The following SUCLG2 variants were observed in gnomAD, a reference collection of about 807,000 sequenced individuals.
The protein encoded by SUCLG2 is succinate--CoA ligase [GDP-forming] subunit beta, mitochondrial.
Under a neutral mutation model 47.9 loss-of-function variants are expected in SUCLG2, and 42 were observed. The ratio of observed to expected loss-of-function variants is 0.88; its 90% confidence interval spans 0.69 to 1.14. The LOEUF is 1.14. Among genes scored for constraint, SUCLG2 ranks in the 50% most tolerant of loss-of-function variants. The probability of loss-of-function intolerance (pLI) is 0.00; values close to 1 mark genes in which losing one functional copy is unlikely to be tolerated. For synonymous variants in SUCLG2, 195 were observed against 197.3 expected (o/e 0.99, Z 0.10); for missense variants, 571 against 525.9 (o/e 1.09, Z -0.84).
chr3:67,470,154 T>C (rs1704569664), intron 9 of SUCLG2, among the ~76,000 whole-genome samples: 1 of 152,112 alleles, frequency 6.6e-6, no homozygotes, highest in South Asian at 2.1e-4. Context: ...TCTGATCTAA[T>C]TCAGGGAATA....
At chr3:67,421,195 A>G (rs1359212873) in intron 9 of SUCLG2, among the ~76,000 whole-genome samples, 3 of 152,084 alleles carry the variant, frequency 2.0e-5, no homozygotes, top group African/African-American at 7.2e-5. Flanking sequence ...ATCCAACCTG[A>G]TACCCCATCT....
chr3:67,487,776 G>A (rs938121536), intron 9 of SUCLG2, among the ~76,000 whole-genome samples: 3 of 152,250 alleles, frequency 2.0e-5, no homozygotes, highest in South Asian at 2.1e-4. Context: ...AGGTAATTCA[G>A]CAATGCATGT....
chr3:67,418,556 C>CA (rs1215924297), intron 9 of SUCLG2, among the ~76,000 whole-genome samples: 96 of 152,282 alleles, frequency 6.3e-4, no homozygotes, highest in Non-Finnish European at 1.8e-4. Context: ...TATTCACTGA[C>CA]AAAATCTATG....
At chr3:67,398,690 T>G (rs1221691198) in intron 10 of SUCLG2, among the ~76,000 whole-genome samples, 1 of 152,162 alleles carries the variant, frequency 6.6e-6, no homozygotes, top group East Asian at 1.9e-4. Flanking sequence ...CAAAGGACTA[T>G]AAATCATGCT....
chr3:67,469,968 C>T (rs1275385303), intron 9 of SUCLG2, among the ~76,000 whole-genome samples: 1 of 151,456 alleles, frequency 6.6e-6, no homozygotes, highest in Non-Finnish European at 1.5e-5. Context: ...TCACTTGAAC[C>T]CAGGAGGTGG....
intron 9 of SUCLG2, among the ~76,000 whole-genome samples, chr3:67,459,353 G>T (rs1364637047): frequency 1.3e-5 from 2 of 152,060 alleles, no homozygotes; most frequent in Non-Finnish European, 2.9e-5. Context: ...ACCAACTGTT[G>T]GAAGGAAAAC....
intron 9 of SUCLG2, among the ~76,000 whole-genome samples, chr3:67,409,888 A>G (rs1020500717): frequency 1.3e-5 from 2 of 152,236 alleles, no homozygotes; most frequent in Non-Finnish European, 2.9e-5. Context: ...CATATAAATT[A>G]TAAAGCCATA....
At chr3:67,386,037 T>C (rs1408373604) in intron 10 of SUCLG2, among the ~76,000 whole-genome samples, 1 of 152,210 alleles carries the variant, frequency 6.6e-6, no homozygotes, top group Non-Finnish European at 1.5e-5. Flanking sequence ...AGAAAGTCAG[T>C]TCTGTGGACC....
At chr3:67,592,743 A>AAAC (rs1553666005) in intron 2 of SUCLG2, among the ~76,000 whole-genome samples, 6 of 148,594 alleles carry the variant, frequency 4.0e-5, no homozygotes, top group African/African-American at 1.3e-4. Flanking sequence ...AAAACAACAA[A>AAAC]AAAAAACTGA....
chr3:67,372,189 A>AC (rs1423544464), downstream of SUCLG2, among the ~76,000 whole-genome samples: 1 of 152,192 alleles, frequency 6.6e-6, no homozygotes, highest in Admixed American at 6.5e-5. Flanking sequence ...ACTGATATTT[A>AC]CCATTGCTGT....
At chr3:67,564,155 C>T (rs1326705482) in intron 2 of SUCLG2, among the ~76,000 whole-genome samples, 2 of 152,100 alleles carry the variant, frequency 1.3e-5, no homozygotes, top group Non-Finnish European at 2.9e-5. Context: ...TTTGACCAAT[C>T]GAACATACTC....
intron 7 of SUCLG2, among the ~76,000 whole-genome samples, chr3:67,506,951 G>A (rs553542265): frequency 9.2e-5 from 14 of 152,290 alleles, no homozygotes; most frequent in African/African-American, 3.4e-4. Context: ...ATGCACGCTG[G>A]ACTCAGAGGG....
At chr3:67,551,792 G>A (rs890178551) in intron 2 of SUCLG2, among the ~76,000 whole-genome samples, 36 of 152,146 alleles carry the variant, frequency 2.4e-4, no homozygotes, top group Non-Finnish European at 7.3e-5. Flanking sequence ...TGCACCAGGA[G>A]CTATTCAAAG....
chr3:67,432,571 A>C (rs1703514603), intron 9 of SUCLG2, among the ~76,000 whole-genome samples: 1 of 152,040 alleles, frequency 6.6e-6, no homozygotes, highest in Non-Finnish European at 1.5e-5. Flanking sequence ...CTTTTTCTTT[A>C]CACCTGGTAA....
chr3:67,589,731 T>G (rs1708108499), intron 2 of SUCLG2, among the ~76,000 whole-genome samples: 1 of 151,940 alleles, frequency 6.6e-6, no homozygotes, highest in East Asian at 1.9e-4. Context: ...GCAGGAGAGG[T>G]GGATGGACCT....
intron 1 of SUCLG2, among the ~76,000 whole-genome samples, chr3:67,650,681 C>G (rs1701270416): frequency 6.6e-6 from 1 of 152,070 alleles, no homozygotes; most frequent in East Asian, 1.9e-4. Context: ...CGCTTGTACC[C>G]AGGAGGAGGA....
chr3:67,391,954 T>C (rs1446971647), intron 10 of SUCLG2, among the ~76,000 whole-genome samples: 2 of 152,212 alleles, frequency 1.3e-5, no homozygotes, highest in Non-Finnish European at 2.9e-5. Flanking sequence ...CCACAGCCTG[T>C]CTGAGGTCGT....
At chr3:67,532,158 CAG>C (rs1559560521) in intron 2 of SUCLG2, among the ~76,000 whole-genome samples, 1 of 152,138 alleles carries the variant, frequency 6.6e-6, no homozygotes. Context: ...TTGTTTTAGA[CAG>C]AGTCTCACTT....
rs529676667 is a variant in SUCLG2, at chr3:67,388,505, G to C, written c.1183+12226C>G. ...ATGGAGCAGACCCATAGCAAGACAA[G>C]ACCTATCCCAACATTGTATTGACCA... On this transcript the variant is annotated intron_variant, in intron 10 of 10. Coordinates refer to ENST00000307227, the MANE Select transcript of SUCLG2 (RefSeq NM_003848.4). 5.3e-5 allele frequency among the ~76,000 whole-genome samples: 8 copies of C among 152,320 alleles called. No individual in the cohort carries two copies. The East Asian group carries it at 1.5e-3, about 29-fold the overall frequency.
Sources: gnomAD v4.1 joint callset for allele counts (sites outside exome capture counted in the v4.1 genomes callset) on GRCh38, gnomAD v4.1.1 for gene constraint, MANE v1.5 for transcripts, NCBI Gene and HGNC (gene_info 2026-07-23, HGNC 2026-07-21) for gene names.